NHSL2: variants seen among roughly 807,000 people sequenced by gnomAD.
NHSL2 encodes NHS-like protein 2.
In NHSL2, 27 loss-of-function variants were observed where a neutral mutation model predicts 53.4. The observed-to-expected ratio is 0.51, with a 90% CI of 0.37 to 0.70. The LOEUF (loss-of-function observed/expected upper bound fraction) is 0.70. Among genes scored for constraint, NHSL2 ranks in the 30% least tolerant of loss-of-function variants. The probability of loss-of-function intolerance (pLI) is 0.00; values close to 1 mark genes in which losing one functional copy is unlikely to be tolerated. For missense variants in NHSL2, 892 were observed against 980.1 expected, an observed-to-expected ratio of 0.91 and a Z score of 1.20; for synonymous variants, 408 against 404.1, an observed-to-expected ratio of 1.01 and a Z score of -0.12.
intron 1 of NHSL2, among the ~76,000 whole-genome samples, chrX:71,925,460 C>G (rs1348306134): frequency 2.8e-5 from 3 of 108,213 alleles, no homozygotes; most frequent in African/African-American, 1.0e-4. Flanking sequence ...GCTCTGTGAC[C>G]CAGGCTGGAG....
intron 1 of NHSL2, among the ~76,000 whole-genome samples, chrX:71,913,861 A>G (rs1055056602): frequency 5.3e-5 from 6 of 112,465 alleles, no homozygotes; most frequent in Admixed American, 3.7e-4. Context: ...AGCGAGATAG[A>G]GGAGGAGAAA....
At chrX:72,113,930 G>A (rs1414621131) in intron 1 of NHSL2, among the ~76,000 whole-genome samples, 1 of 112,205 alleles carries the variant, frequency 8.9e-6, no homozygotes, top group East Asian at 2.8e-4. Flanking sequence ...TTCTGTATGA[G>A]GGGCTGGACT....
At chrX:71,987,165 C>T (rs2042006604) in intron 1 of NHSL2, among the ~76,000 whole-genome samples, 1 of 111,120 alleles carries the variant, frequency 9.0e-6, no homozygotes, top group Non-Finnish European at 1.9e-5. Flanking sequence ...GAGCTGAGAT[C>T]GCACCACTGC....
chrX:72,150,400 C>T lies in NHSL2; in HGVS notation c.*6826C>T, dbSNP rs1480306365. ...TGTTTATTTAAAAGTAGGGTACAAC[C>T]CAACCAATATTAGCTTTCCCAGAGT... On this transcript the variant is annotated 3_prime_UTR_variant, in exon 8 of 8. Coordinates refer to ENST00000633930, the MANE Select transcript of NHSL2 (RefSeq NM_001013627.3). 1.8e-5 allele frequency: 2 copies of T among 111,842 alleles called. No homozygotes were observed. The highest frequency in any genetic ancestry group is 3.8e-5 in the Non-Finnish European group (2 of 53,143). The allele number at this position is 111,842 out of a possible 1,213,427, so 9.2% of individuals were successfully genotyped here.
At chrX:71,932,802 G>A (rs2041720071) in intron 1 of NHSL2, among the ~76,000 whole-genome samples, 1 of 112,554 alleles carries the variant, frequency 8.9e-6, no homozygotes, top group South Asian at 3.7e-4. Flanking sequence ...TATGAGAAAG[G>A]TGTAAGACTC....
At position 71,917,259 on chromosome X, in the gene NHSL2, CCCCT is replaced by C. The variant is rs935002397; in HGVS notation, c.280+5915_280+5918del. Among the ~76,000 whole-genome samples the C allele has an allele frequency of 6.9e-3, 447 of 64,800 alleles. 4 individuals are homozygous for C. The highest frequency in any genetic ancestry group is 0.024 in the African/African-American group (390 of 16,218). 56.3% of individuals were successfully genotyped at this position (64,800 alleles called of 115,157 possible). On this transcript the variant is annotated intron_variant, in intron 1 of 7. Coordinates refer to ENST00000633930, the MANE Select transcript of NHSL2 (RefSeq NM_001013627.3). ...CCTCCCTCCCTTCCTCTCTCCCTCC[CCCCT>C]CCCTCCCTCCCTCCCTCCCTCCTTT...
intron 1 of NHSL2, among the ~76,000 whole-genome samples, chrX:72,098,717 T>TA (rs1235086673): frequency 2.7e-5 from 3 of 112,080 alleles, no homozygotes. Flanking sequence ...ATTTTAATAG[T>TA]TTTATGTTAC....
At chrX:71,921,920 A>G (rs1164603164) in intron 1 of NHSL2, among the ~76,000 whole-genome samples, 1 of 112,220 alleles carries the variant, frequency 8.9e-6, no homozygotes, top group Non-Finnish European at 1.9e-5. Context: ...ATAATACGGC[A>G]TAAGAGTGAA....
intron 1 of NHSL2, among the ~76,000 whole-genome samples, chrX:72,108,547 C>T (rs188074887): frequency 2.3e-4 from 26 of 113,184 alleles, no homozygotes; most frequent in African/African-American, 5.8e-4. Flanking sequence ...AGAGCCTTCG[C>T]TCTGCTGCCT....
At chrX:71,950,339 G>C (rs1439682601) in intron 1 of NHSL2, among the ~76,000 whole-genome samples, 1 of 112,600 alleles carries the variant, frequency 8.9e-6, no homozygotes, top group Non-Finnish European at 1.9e-5. Context: ...CCAGCCCAAA[G>C]ACCTAAGCCT....
At chrX:71,924,091 T>A (rs1038077985) in intron 1 of NHSL2, among the ~76,000 whole-genome samples, 1 of 112,063 alleles carries the variant, frequency 8.9e-6, no homozygotes, top group Non-Finnish European at 1.9e-5. Context: ...TTGCCAGGTA[T>A]TGGTGATACC....
chrX:72,095,251 C>T (rs887221599), intron 1 of NHSL2, among the ~76,000 whole-genome samples: 1 of 112,466 alleles, frequency 8.9e-6, no homozygotes, highest in African/African-American at 3.2e-5. Context: ...AGTAATTAAA[C>T]GAGCAAACAA....
At chrX:72,069,813 G>A (rs1184240573) in intron 1 of NHSL2, 1 of 643,032 alleles carries the variant, frequency 1.6e-6, no homozygotes, top group Non-Finnish European at 2.1e-6. Flanking sequence ...CCCAGCTGCT[G>A]CCATGCGGGG....
intron 1 of NHSL2, among the ~76,000 whole-genome samples, chrX:71,937,380 G>C (rs760054801): frequency 2.0e-4 from 22 of 111,713 alleles, no homozygotes; most frequent in Admixed American, 1.5e-3. Context: ...TTTGGACCTG[G>C]ACCAAAGGAC....
chrX:72,078,961 C>G (rs1251561707), intron 1 of NHSL2, among the ~76,000 whole-genome samples: 1 of 112,185 alleles, frequency 8.9e-6, no homozygotes, highest in East Asian at 2.8e-4. Context: ...CCATCTTGAG[C>G]CTTCCTTCAA....
At chrX:71,991,412 C>T (rs1372102183) in intron 1 of NHSL2, among the ~76,000 whole-genome samples, 1 of 112,585 alleles carries the variant, frequency 8.9e-6, no homozygotes, top group Non-Finnish European at 1.9e-5. Flanking sequence ...ATGAAAATTG[C>T]AAGTGCTTTG....
chrX:71,954,508 A>G (rs375078137), intron 1 of NHSL2, among the ~76,000 whole-genome samples: 2 of 112,300 alleles, frequency 1.8e-5, no homozygotes, highest in Admixed American at 9.4e-5. Flanking sequence ...AGGGGAAAAC[A>G]GATTGATTAA....
intron 1 of NHSL2, among the ~76,000 whole-genome samples, chrX:72,010,955 C>T (rs755430451): frequency 6.2e-5 from 7 of 112,145 alleles, no homozygotes; most frequent in East Asian, 2.8e-4. Context: ...TAACCCCTAG[C>T]GACCACTCAT....
At chrX:72,040,027 T>C (rs772259657) in intron 1 of NHSL2, among the ~76,000 whole-genome samples, 13 of 112,414 alleles carry the variant, frequency 1.2e-4, no homozygotes, top group African/African-American at 4.2e-4. Context: ...GCCACCAAAA[T>C]AGGTTCAGCA....
Sources: gnomAD v4.1 joint callset for allele counts (sites outside exome capture counted in the v4.1 genomes callset) on GRCh38, gnomAD v4.1.1 for gene constraint, MANE v1.5 for transcripts, NCBI Gene and HGNC (gene_info 2026-07-23, HGNC 2026-07-21) for gene names.